TBCK: variants seen among roughly 807,000 people sequenced by gnomAD.
TBCK encodes TBC1 domain containing kinase.
A neutral mutation model predicts 113.4 loss-of-function variants in TBCK; 99 were observed. The ratio of observed to expected loss-of-function variants is 0.87; its 90% CI spans 0.74 to 1.03. The LOEUF is 1.03. Ranked by LOEUF, TBCK falls within the 50% of genes least tolerant of loss-of-function variation. The pLI is 0.00. For synonymous variants in TBCK, 369 were observed against 370.8 expected (o/e 1.00, Z 0.05); for missense variants, 1,045 against 1,061.3 (o/e 0.98, Z 0.21).
intron 23 of TBCK, among the ~76,000 whole-genome samples, chr4:106,166,607 C>G (rs1004313617): frequency 6.6e-6 from 1 of 151,580 alleles, no homozygotes; most frequent in African/African-American, 2.4e-5. Context: ...ATCTTAAGAC[C>G]AAAGCCTGAC....
At chr4:106,174,220 A>C (rs568895298) in intron 22 of TBCK, among the ~76,000 whole-genome samples, 2 of 152,186 alleles carry the variant, frequency 1.3e-5, no homozygotes, top group South Asian at 2.1e-4. Flanking sequence ...CCTATATTTG[A>C]TTCCTAACTT....
At chr4:106,273,188 T>A (rs1763683159) in intron 3 of TBCK, among the ~76,000 whole-genome samples, 1 of 152,226 alleles carries the variant, frequency 6.6e-6, no homozygotes, top group African/African-American at 2.4e-5. Context: ...CAACAAAATG[T>A]AAAAGGAATA....
At position 106,260,495 on chromosome 4, in the gene TBCK, C is replaced by T. The variant is rs1349647294; in HGVS notation, c.397G>A (p.Ala133Thr). 1 of 1,338,860 alleles carries T rather than the reference C, an allele frequency of 7.5e-7. No individual in the cohort carries two copies. Among genetic ancestry groups the T allele is most frequent in the African/African-American group, 1.5e-5 (1 of 67,284 alleles). 82.9% of individuals were successfully genotyped at this position (1,338,860 alleles called of 1,614,324 possible). A position where few individuals can be genotyped will look rare whatever the true frequency, so the allele number is the denominator to read the frequency against. The stretch of plus-strand genomic sequence containing the variant: ...GTCATGTGATAAAGTCCAAATTTAG[C>T]CAATTTAATATGTCCCTATGATAAT... ...LLDRKGHIKL[A>T]KFGLYHMTAH... The change falls in exon 5 of 26, where the codon GCT becomes ACT. Residue 133 changes from alanine (A) to threonine (T), a missense_variant. Ala to Thr is a moderately conservative substitution (Grantham distance 58). Transcript: ENST00000394708.
At chr4:106,115,499 G>T (rs1743378029) in intron 24 of TBCK, among the ~76,000 whole-genome samples, 1 of 152,024 alleles carries the variant, frequency 6.6e-6, no homozygotes, top group African/African-American at 2.4e-5. Context: ...AAGCAAATTA[G>T]TTATAACATT....
intron 11 of TBCK, 136 bp from the exon 12 acceptor site, chr4:106,242,705 A>G (rs1760298789): frequency 1.9e-6 from 1 of 515,704 alleles, no homozygotes; most frequent in African/African-American, 2.0e-5. Context: ...TTAATAAAAC[A>G]ATGTTTTTTT....
In TBCK at chr4:106,044,839, C is replaced by T. The variant is rs1426700950; in HGVS notation, c.*1731G>A. On this transcript the variant is annotated 3_prime_UTR_variant, in exon 26 of 26. Transcript: ENST00000394708. The stretch of plus-strand genomic sequence containing the variant: ...CAAAGAAAAAATAAAATAAAGTAAA[C>T]AATAGCAGCAACAACAAAACCATGG... The T allele has an allele frequency of 6.6e-6, 1 of 152,108 alleles. No homozygotes were observed. The highest frequency in any genetic ancestry group is 1.5e-5 in the Non-Finnish European group (1 of 67,996). 9.4% of individuals were successfully genotyped at this position (152,108 alleles called of 1,614,324 possible). A position where few individuals can be genotyped will look rare whatever the true frequency, so the allele number is the denominator to read the frequency against.
chr4:106,231,796 G>T lies in TBCK; in HGVS notation c.1640-17C>A. ...AGTCAAGACCTAACACAGAGGGGTT[G>T]GGAGAAAGAAGTCAAATAAATATAA... On this transcript the variant is annotated splice_polypyrimidine_tract_variant and intron_variant, in intron 17 of 25. Transcript: ENST00000394708. 6.2e-7 allele frequency: 1 copy of T among 1,603,564 alleles called. No homozygotes were observed. The highest frequency in any genetic ancestry group is 8.5e-7 in the Non-Finnish European group (1 of 1,174,730).
chr4:106,303,133 C>A (rs539206413), intron 2 of TBCK, among the ~76,000 whole-genome samples: 13 of 152,254 alleles, frequency 8.5e-5, no homozygotes, highest in African/African-American at 3.1e-4. Context: ...AGCTTTTATG[C>A]AGTGAGGCAA....
At chr4:106,127,841 C>T (rs963060445) in intron 23 of TBCK, among the ~76,000 whole-genome samples, 1 of 152,048 alleles carries the variant, frequency 6.6e-6, no homozygotes, top group Admixed American at 6.5e-5. Context: ...ATAGGGAATT[C>T]TCATGATATA....
chr4:106,155,963 G>T (rs896547118), intron 23 of TBCK, among the ~76,000 whole-genome samples: 6 of 152,022 alleles, frequency 3.9e-5, no homozygotes, highest in African/African-American at 1.4e-4. Flanking sequence ...TCTGTGTCTG[G>T]ACATTGAAGA....
At chr4:106,070,960 G>A (rs1737348976) in intron 25 of TBCK, among the ~76,000 whole-genome samples, 2 of 152,050 alleles carry the variant, frequency 1.3e-5, no homozygotes, top group Admixed American at 6.6e-5. Flanking sequence ...TCTGATGGTA[G>A]TTTGTATTTC....
At chr4:106,289,706 T>G (rs1765478161) in intron 3 of TBCK, among the ~76,000 whole-genome samples, 1 of 149,196 alleles carries the variant, frequency 6.7e-6, no homozygotes, top group South Asian at 2.1e-4. Context: ...AGGCAGAGGT[T>G]GCAGTGAGCC....
chr4:106,091,481 G>C (rs955864605), intron 25 of TBCK, among the ~76,000 whole-genome samples: 1 of 152,140 alleles, frequency 6.6e-6, no homozygotes, highest in Non-Finnish European at 1.5e-5. Flanking sequence ...AAGGCAGCGC[G>C]TCCAGAGTTT....
At chr4:106,186,206 G>A (rs1373633416) in intron 22 of TBCK, among the ~76,000 whole-genome samples, 1 of 152,176 alleles carries the variant, frequency 6.6e-6, no homozygotes, top group African/African-American at 2.4e-5. Context: ...ACATGCATGT[G>A]TCTTTATGGC....
intron 23 of TBCK, among the ~76,000 whole-genome samples, chr4:106,132,516 A>G (rs913330214): frequency 6.6e-6 from 1 of 152,238 alleles, no homozygotes; most frequent in Non-Finnish European, 1.5e-5. Flanking sequence ...CGTCCATGCA[A>G]AAGTTTGCTG....
chr4:106,186,639 C>T (rs1189292769), intron 22 of TBCK, among the ~76,000 whole-genome samples: 1 of 152,078 alleles, frequency 6.6e-6, no homozygotes, highest in Non-Finnish European at 1.5e-5. Flanking sequence ...AGACCTTTGT[C>T]AAATAAATAG....
intron 10 of TBCK, among the ~76,000 whole-genome samples, chr4:106,245,136 T>C (rs972128826): frequency 1.6e-4 from 24 of 152,154 alleles, no homozygotes; most frequent in African/African-American, 5.1e-4. Flanking sequence ...GATAAATTAC[T>C]GGAGGCTCAG....
chr4:106,119,918 C>A (rs140701727), intron 23 of TBCK, among the ~76,000 whole-genome samples: 28 of 152,186 alleles, frequency 1.8e-4, no homozygotes, highest in African/African-American at 5.8e-4. Context: ...GTCAACACCA[C>A]TAATAAAGAG....
At chr4:106,224,247 A>G (rs1757998590) in intron 19 of TBCK, among the ~76,000 whole-genome samples, 1 of 152,084 alleles carries the variant, frequency 6.6e-6, no homozygotes, top group Middle Eastern at 3.4e-3. Flanking sequence ...TCATGAGTGT[A>G]TATATATTTT....
Sources: allele counts gnomAD v4.1 joint callset (sites outside exome capture counted in the v4.1 genomes callset), GRCh38; gene constraint gnomAD v4.1.1; transcripts MANE v1.5; gene names NCBI Gene and HGNC (gene_info 2026-07-23, HGNC 2026-07-21).